Variants in CLEC4F observed in about 807,000 individuals in gnomAD.
The protein encoded by CLEC4F is C-type lectin domain family 4 member F.
In CLEC4F, 45 loss-of-function variants were observed where a neutral mutation model predicts 53.4. The ratio of observed to expected loss-of-function variants is 0.84; its 90% CI spans 0.66 to 1.08. The LOEUF is 1.08. Among genes scored for constraint, CLEC4F ranks in the 50% least tolerant of loss-of-function variants. The pLI is 0.00. For missense variants in CLEC4F, 753 were observed against 698.2 expected (o/e 1.08, Z -0.88); for synonymous variants, 245 against 257.5 (o/e 0.95, Z 0.46).
chr2:70,821,263 G>A (rs973155601), upstream of CLEC4F, among the ~76,000 whole-genome samples: 3 of 152,082 alleles, frequency 2.0e-5, no homozygotes, highest in African/African-American at 7.2e-5. Context: ...AGTGTTTTTT[G>A]TTATTCATAA....
At chr2:70,819,595 C>T in intron 2 of CLEC4F, 151 bp from the exon 3 acceptor site, 1 of 892,952 alleles carries the variant, frequency 1.1e-6, no homozygotes, top group Non-Finnish European at 1.8e-6. Context: ...TCTTGGGAGG[C>T]TCCCCCTTGG....
Position 70,816,361 on chromosome 2 carries a change from C to T in CLEC4F, c.1020G>A (p.Met340Ile). The T allele has an allele frequency of 1.2e-6, 2 of 1,613,984 alleles. No homozygotes were observed. The highest frequency in any genetic ancestry group is 2.2e-5 in the East Asian group (1 of 44,888). ...TTGCTTTTTGGGTCTGGGCTGTGACCATTTTCAAATCCCTTTTTAACACGT... is the reference window on the plus strand; with the variant it reads ...TTGCTTTTTGGGTCTGGGCTGTGACTATTTTCAAATCCCTTTTTAACACGT... ...EIHVLKRDLK[M>I]VTAQTQKANG... The change falls in exon 4 of 7, where the codon ATG (methionine) becomes ATA (isoleucine). Residue 340 changes from methionine (M) to isoleucine (I), a missense_variant. Met to Ile is a conservative substitution (Grantham distance 10). Coordinates refer to ENST00000272367, the MANE Select transcript of CLEC4F (RefSeq NM_173535.3).
intron 1 of CLEC4F, 47 bp downstream of exon 1, chr2:70,820,416 C>T: frequency 1.3e-6 from 2 of 1,521,654 alleles, no homozygotes; most frequent in Non-Finnish European, 8.9e-7. Flanking sequence ...AAAGGACAGG[C>T]AGGCTACTCC....
chr2:70,815,801 G>A (rs1265506449), intron 4 of CLEC4F, among the ~76,000 whole-genome samples, 193 bp downstream of exon 4: 4 of 152,140 alleles, frequency 2.6e-5, no homozygotes, highest in Non-Finnish European at 2.9e-5. Context: ...CCGTGACCAG[G>A]TTATAAGCAA....
At position 70,809,747 on chromosome 2, in the gene CLEC4F, C is replaced by A. The variant is rs145732605; in HGVS notation, c.1650G>T (p.Gln550His). The A allele has an allele frequency of 3.7e-6, 6 of 1,613,644 alleles. No individual in the cohort carries two copies. The African/African-American group carries it at 4.0e-5, about 11-fold the overall frequency. ...ATGGTGGCTAGACTCACGCTTTGTT[C>A]TGGGCGGCGTTGAATGGTGTCCCAT... Reference protein sequence around the residue: ...WTDGTPFNAAQNKAPGSKGSC... With the variant: ...WTDGTPFNAAHNKAPGSKGSC... The change falls in exon 6 of 7, where the codon CAG (glutamine) becomes CAT (histidine). Residue 550 changes from glutamine (Q) to histidine (H), a missense_variant. By Grantham distance (24) the Gln-to-His change is conservative. Transcript: ENST00000272367.
rs376664187 is a variant in CLEC4F at position 70,819,451 on chromosome 2, C to T, written c.179-7G>A. ...GGTCTTGTCTGCTGTTGAACTGAGACATTCCATTTTTCCAGGTCAGCAAAT... is the reference window on the plus strand; with the variant it reads ...GGTCTTGTCTGCTGTTGAACTGAGATATTCCATTTTTCCAGGTCAGCAAAT... On this transcript the variant is annotated splice_polypyrimidine_tract_variant and splice_region_variant and intron_variant, in intron 2 of 6. Transcript: ENST00000272367. 3 of 1,613,734 alleles carry T rather than the reference C, an allele frequency of 1.9e-6. No homozygotes were observed. Among genetic ancestry groups the T allele is most frequent in the South Asian group, 1.1e-5 (1 of 91,050 alleles).
At position 70,817,062 on chromosome 2, in the gene CLEC4F, A is replaced by G. The variant is rs1203487111; in HGVS notation, c.319T>C (p.Phe107Leu). 6.2e-7 allele frequency: 1 copy of G among 1,613,496 alleles called. No individual in the cohort carries two copies. Among genetic ancestry groups the G allele is most frequent in the Non-Finnish European group, 8.5e-7 (1 of 1,180,036 alleles). Residue 107 changes from phenylalanine to leucine, a missense_variant, in exon 4 of 7, where the codon TTT (phenylalanine) becomes CTT (leucine). By Grantham distance (22) the Phe-to-Leu change is conservative. Coordinates refer to ENST00000272367, the MANE Select transcript of CLEC4F (RefSeq NM_173535.3). ...CTGGAATTCTCCATGTGGCCTTTAA[A>G]TGTCTGGATAAGCTCTCGCATTTCT... ...EAEMRELIQTFKGHMENSSAW... is the reference protein window; with the variant it reads ...EAEMRELIQTLKGHMENSSAW...
Position 70,820,588 on chromosome 2 carries a change from A to G in CLEC4F, c.-65T>C. On this transcript the variant is annotated 5_prime_UTR_variant, in exon 1 of 7. Transcript: ENST00000272367. ...GGCTCCTGGAAGGGCCGTCCCGTGGACCAATGGCAGTGGAAGCAAAGCTGA... is the reference window on the plus strand; with the variant it reads ...GGCTCCTGGAAGGGCCGTCCCGTGGGCCAATGGCAGTGGAAGCAAAGCTGA... The G allele has an allele frequency of 6.7e-7, 1 of 1,492,758 alleles. No individual in the cohort carries two copies. The highest frequency in any genetic ancestry group is 9.1e-7 in the Non-Finnish European group (1 of 1,102,200). The allele number at this position is 1,492,758 out of a possible 1,614,324, so 92.5% of individuals were successfully genotyped here. A position where few individuals can be genotyped will look rare whatever the true frequency, so the allele number is the denominator to read the frequency against.
chr2:70,825,036 G>A (rs1302975671), upstream of CLEC4F, among the ~76,000 whole-genome samples: 3 of 152,158 alleles, frequency 2.0e-5, no homozygotes, highest in Admixed American at 1.3e-4. Context: ...GGAGATCAAG[G>A]TCAACGCCAA....
At position 70,817,025 on chromosome 2, in the gene CLEC4F, A is replaced by G. The variant is rs146659719; in HGVS notation, c.356T>C (p.Val119Ala). Reference sequence around the variant, plus strand: ...TCTGCACTTCAACATCTGGATTTCTACTACCCAGGCACTGGAATTCTCCAT... The same window carrying G: ...TCTGCACTTCAACATCTGGATTTCTGCTACCCAGGCACTGGAATTCTCCAT... ...GHMENSSAWV[V>A]EIQMLKCRVD... The change falls in exon 4 of 7, where the codon GTA becomes GCA. Residue 119 changes from valine (V) to alanine (A), a missense_variant. Physicochemically the swap from Val to Ala is moderately conservative, Grantham distance 64. Transcript: ENST00000272367. The G allele has an allele frequency of 1.7e-5, 28 of 1,613,738 alleles. No homozygotes were observed. The African/African-American group carries it at 2.5e-4, about 15-fold the overall frequency.
chr2:70,824,667 T>C (rs967008301), upstream of CLEC4F, among the ~76,000 whole-genome samples: 15 of 105,830 alleles, frequency 1.4e-4, no homozygotes, highest in Admixed American at 1.4e-3. Context: ...TATGTCAAAA[T>C]GACACAGGAA....
In CLEC4F at chr2:70,816,206, G is replaced by C; in HGVS notation, c.1175C>G (p.Thr392Ser). The C allele has an allele frequency of 6.2e-7, 1 of 1,614,124 alleles. No individual in the cohort carries two copies. The highest frequency in any genetic ancestry group is 8.5e-7 in the Non-Finnish European group (1 of 1,180,024). The stretch of plus-strand genomic sequence containing the variant: ...AGCATTCTTCATTCCTTGTTTTAGG[G>C]TCTGTATCTCTCTGCTGGCATTTTT... Reference protein sequence around the residue: ...HMKNASREIQTLKQGMKNASA... With the variant: ...HMKNASREIQSLKQGMKNASA... Residue 392 changes from threonine (T) to serine (S), a missense_variant, in exon 4 of 7, where the codon ACC (threonine) becomes AGC (serine). Coordinates refer to ENST00000272367, the MANE Select transcript of CLEC4F (RefSeq NM_173535.3).
chr2:70,816,634 G>A lies in CLEC4F; in HGVS notation c.747C>T (p.Asn249=), dbSNP rs142908853. 1.2e-4 allele frequency: 201 copies of A among 1,613,990 alleles called. No homozygotes were observed. The highest frequency in any genetic ancestry group is 1.0e-3 in the East Asian group (46 of 44,884). The change falls in exon 4 of 7, where the codon AAC becomes AAT. Residue 249 remains asparagine, a synonymous_variant. Coordinates refer to ENST00000272367, the MANE Select transcript of CLEC4F (RefSeq NM_173535.3). ...QAQLANSSLK[N]ANAEIYVLRG... is the part of the protein sequence containing the mutation. ...TCAAAACATAGATCTCAGCATTAGC[G>A]TTCTTTAAACTGCTATTGGCTAACT...
upstream of CLEC4F, among the ~76,000 whole-genome samples, chr2:70,823,514 G>A (rs1368848689): frequency 6.6e-6 from 1 of 152,172 alleles, no homozygotes; most frequent in African/African-American, 2.4e-5. Context: ...AGGGAACCTC[G>A]AAGGCAGAAC....
intron 4 of CLEC4F, among the ~76,000 whole-genome samples, chr2:70,813,508 TTCTTTTC>T (rs1301809177): frequency 3.8e-5 from 3 of 78,456 alleles, no homozygotes; most frequent in Non-Finnish European, 9.0e-5. Flanking sequence ...CTTTCTTTCT[TTCTTTTC>T]TTTCTTTCTT....
chr2:70,810,473 G>T (rs1304757934), intron 5 of CLEC4F, among the ~76,000 whole-genome samples: 3 of 151,836 alleles, frequency 2.0e-5, no homozygotes, highest in African/African-American at 7.3e-5. Context: ...ACAAAAATTA[G>T]CTGGGCATGG....
chr2:70,820,200 G>A (rs532169114), intron 1 of CLEC4F, among the ~76,000 whole-genome samples: 2 of 152,322 alleles, frequency 1.3e-5, no homozygotes, highest in Non-Finnish European at 2.9e-5. Flanking sequence ...ACAGAGCACA[G>A]AGCAACAAAA....
At chr2:70,813,524 TTTC>T (rs1676684089) in intron 4 of CLEC4F, among the ~76,000 whole-genome samples, 3 of 150,894 alleles carry the variant, frequency 2.0e-5, no homozygotes, top group Admixed American at 6.6e-5. Context: ...TCTTTCTTTC[TTTC>T]TTTCTTTCTT....
At position 70,808,730 on chromosome 2, in the gene CLEC4F, C is replaced by T. The variant is rs1676358534; in HGVS notation, c.*541G>A. The T allele has an allele frequency of 1.0e-5, 3 of 292,482 alleles. No individual in the cohort carries two copies. Among genetic ancestry groups the T allele is most frequent in the African/African-American group, 6.5e-5 (3 of 46,154 alleles). The allele number at this position is 292,482 out of a possible 1,614,324, so 18.1% of individuals were successfully genotyped here. A position where few individuals can be genotyped will look rare whatever the true frequency, so the allele number is the denominator to read the frequency against. ...GAGGCTACAGGGGCACAGCAAGGCT[C>T]TTCCCTTGAGAAGCCACTGATGTCA... is the stretch of plus-strand genomic sequence containing the variant. On this transcript the variant is annotated 3_prime_UTR_variant, in exon 7 of 7. Coordinates refer to ENST00000272367, the MANE Select transcript of CLEC4F (RefSeq NM_173535.3).
Sources: allele counts gnomAD v4.1 joint callset (sites outside exome capture counted in the v4.1 genomes callset), GRCh38; gene constraint gnomAD v4.1.1; transcripts MANE v1.5; gene names NCBI Gene and HGNC (gene_info 2026-07-23, HGNC 2026-07-21).